FANCL: variants seen among roughly 807,000 people sequenced by gnomAD.
The protein encoded by FANCL is FA complementation group L, also known as E3 ubiquitin-protein ligase FANCL.
Under a neutral mutation model 59.4 loss-of-function variants are expected in FANCL, and 69 were observed. The observed-to-expected ratio is 1.16, with a 90% CI of 0.96 to 1.42. The LOEUF is 1.42. Ranked by LOEUF, FANCL falls within the 40% of genes most tolerant of loss-of-function variation. FANCL has a pLI of 0.00. For synonymous variants in FANCL, 180 were observed against 147.1 expected (o/e 1.22, Z -1.62); for missense variants, 519 against 447.2 (o/e 1.16, Z -1.45).
At chr2:58,235,240 A>C (rs1693909371) in intron 1 of FANCL, among the ~76,000 whole-genome samples, 1 of 152,038 alleles carries the variant, frequency 6.6e-6, no homozygotes, top group African/African-American at 2.4e-5. Context: ...TCTTCAGCTG[A>C]GTACTGCTTG....
chr2:58,229,774 T>C (rs774358700), intron 3 of FANCL, 40 bp downstream of exon 3: 3 of 1,412,920 alleles, frequency 2.1e-6, no homozygotes, highest in Non-Finnish European at 3.0e-6. Flanking sequence ...AGTAATTTCT[T>C]ATCTTCACTG....
chr2:58,236,666 C>T (rs1013516721), intron 1 of FANCL, among the ~76,000 whole-genome samples: 12 of 151,926 alleles, frequency 7.9e-5, no homozygotes, highest in African/African-American at 2.9e-4. Context: ...GTCGAAGCAC[C>T]CCCAAGTAAA....
At chr2:58,217,188 A>ATG (rs1471890735) in intron 5 of FANCL, among the ~76,000 whole-genome samples, 1 of 3,870 alleles carries the variant, frequency 2.6e-4, no homozygotes, top group African/African-American at 2.1e-3. Context: ...ATATATATAT[A>ATG]TATATATATA....
At chr2:58,232,779 T>C (rs1187761473) in intron 1 of FANCL, among the ~76,000 whole-genome samples, 1 of 152,026 alleles carries the variant, frequency 6.6e-6, no homozygotes, top group Non-Finnish European at 1.5e-5. Context: ...TTTACTTTCT[T>C]GGAAAAGTGA....
Position 58,236,811 on chromosome 2 carries a change from T to C in FANCL, c.96+4407A>G, listed in dbSNP as rs184937158. On this transcript the variant is annotated intron_variant, in intron 1 of 13. Transcript: ENST00000233741. ...TCAATCAAAAGAAAGATGCAATCTA[T>C]ATGTTAATATTGGAAAATACAGATT... Among the ~76,000 whole-genome samples, 427 of 152,206 alleles carry C rather than the reference T, an allele frequency of 2.8e-3. 2 individuals are homozygous for C. Among genetic ancestry groups the C allele is most frequent in the Admixed American group, 4.5e-3 (69 of 15,288 alleles).
intron 7 of FANCL, among the ~76,000 whole-genome samples, chr2:58,172,036 G>A (rs571669076): frequency 1.0e-3 from 152 of 152,352 alleles, no homozygotes; most frequent in Middle Eastern, 3.4e-3. Flanking sequence ...AGGTGGCAGC[G>A]AGGCTGGGGG....
rs558754886 is a variant in FANCL at position 58,166,085 on chromosome 2, T to C, written c.541-211A>G. On this transcript the variant is annotated intron_variant, in intron 7 of 13. Transcript: ENST00000233741. The stretch of plus-strand genomic sequence containing the variant: ...TTTTATTGACAGTAGACTATACACC[T>C]GAGAAAGAATGGTTTTTTAAAAATC... Among the ~76,000 whole-genome samples the C allele has an allele frequency of 1.9e-4, 29 of 152,282 alleles. No homozygotes were observed. The East Asian group carries it at 5.6e-3, about 29-fold the overall frequency.
intron 1 of FANCL, among the ~76,000 whole-genome samples, chr2:58,236,340 T>C (rs1694020064): frequency 6.6e-6 from 1 of 151,736 alleles, no homozygotes. Flanking sequence ...CTTTACAGTA[T>C]CAAAAGTGAC....
intron 5 of FANCL, among the ~76,000 whole-genome samples, chr2:58,215,643 C>A (rs1264195047): frequency 6.7e-6 from 1 of 150,278 alleles, no homozygotes; most frequent in Non-Finnish European, 1.5e-5. Flanking sequence ...TCAATTCTGG[C>A]ACAGGGCAAG....
intron 2 of FANCL, among the ~76,000 whole-genome samples, chr2:58,231,531 T>C (rs1267479304): frequency 2.0e-5 from 3 of 152,264 alleles, no homozygotes; most frequent in African/African-American, 7.2e-5. Context: ...CATAAATATC[T>C]CTGGATTCCT....
At chr2:58,240,430 G>C (rs145901525) in intron 1 of FANCL, among the ~76,000 whole-genome samples, 130 of 152,270 alleles carry the variant, frequency 8.5e-4, no homozygotes, top group African/African-American at 2.9e-3. Flanking sequence ...AAAAAATCCA[G>C]GACTGAAATC....
rs147811379 is a variant in FANCL, at chr2:58,159,432, T to C, written c.*333A>G. The C allele has an allele frequency of 3.5e-4, 560 of 1,613,698 alleles. 2 individuals are homozygous for C. In the Admixed American group the frequency reaches 6.7e-3, roughly 19 times the overall value. ...ACAGTTTCCCACAAAAAATCAGCTA[T>C]ACACAATTCCCAAACTCATTTTATG... is the stretch of plus-strand genomic sequence containing the variant. On this transcript the variant is annotated 3_prime_UTR_variant, in exon 14 of 14. Transcript: ENST00000233741.
rs753167651 is a variant in FANCL, at chr2:58,166,008, T to C, written c.541-134A>G. 20 of 789,588 alleles carry C rather than the reference T, an allele frequency of 2.5e-5. 1 individual carries two copies. Among genetic ancestry groups the C allele is most frequent in the African/African-American group, 6.9e-5 (4 of 57,930 alleles). The allele number at this position is 789,588 out of a possible 1,614,324, so 48.9% of individuals were successfully genotyped here. Reference sequence around the variant, plus strand: ...CTACAAAGTAGACTCCAGTAAACAGTAGTCGACTCTCCCTGCTTCACATCT... The same window carrying C: ...CTACAAAGTAGACTCCAGTAAACAGCAGTCGACTCTCCCTGCTTCACATCT... On this transcript the variant is annotated intron_variant, in intron 7 of 13. Coordinates refer to ENST00000233741, the MANE Select transcript of FANCL (RefSeq NM_018062.4).
chr2:58,173,440 A>C (rs983335011), intron 7 of FANCL, among the ~76,000 whole-genome samples: 2 of 152,216 alleles, frequency 1.3e-5, no homozygotes, highest in South Asian at 2.1e-4. Context: ...CTGATCTCTC[A>C]GCAGAAACTC....
At chr2:58,179,028 A>C (rs181388361) in intron 7 of FANCL, among the ~76,000 whole-genome samples, 1 of 152,320 alleles carries the variant, frequency 6.6e-6, no homozygotes, top group East Asian at 1.9e-4. Context: ...CTTACAAGGG[A>C]TGTGAAGGAC....
At chr2:58,232,930 A>C (rs539283537) in intron 1 of FANCL, among the ~76,000 whole-genome samples, 2 of 152,166 alleles carry the variant, frequency 1.3e-5, no homozygotes, top group African/African-American at 4.8e-5. Flanking sequence ...TTCTCAAAAA[A>C]CAATTACCAT....
Position 58,228,705 on chromosome 2 carries a change from G to A in FANCL, c.216+1109C>T, listed in dbSNP as rs186875986. Among the ~76,000 whole-genome samples, 560 of 152,240 alleles carry A rather than the reference G, an allele frequency of 3.7e-3. 3 individuals carry two copies. The highest frequency in any genetic ancestry group is 0.014 in the Middle Eastern group (4 of 294). ...TAAAATTAAAAATGATACAAGAAAA[G>A]AATAGTAATATTCACTGGGACTGTA... On this transcript the variant is annotated intron_variant, in intron 3 of 13. Coordinates refer to ENST00000233741, the MANE Select transcript of FANCL (RefSeq NM_018062.4).
intron 7 of FANCL, among the ~76,000 whole-genome samples, chr2:58,196,638 A>G (rs1689447500): frequency 6.6e-6 from 1 of 151,982 alleles, no homozygotes; most frequent in Non-Finnish European, 1.5e-5. Context: ...AAGACTTTCC[A>G]GTCTAGTAGA....
At chr2:58,174,994 T>C (rs1387825962) in intron 7 of FANCL, among the ~76,000 whole-genome samples, 1 of 152,070 alleles carries the variant, frequency 6.6e-6, no homozygotes, top group Non-Finnish European at 1.5e-5. Flanking sequence ...CATCAGAGAA[T>C]ACTATAAACA....
Sources: allele counts gnomAD v4.1 joint callset (sites outside exome capture counted in the v4.1 genomes callset), GRCh38; gene constraint gnomAD v4.1.1; transcripts MANE v1.5; gene names NCBI Gene and HGNC (gene_info 2026-07-23, HGNC 2026-07-21).